Variants in AGBL4 observed in about 807,000 individuals in gnomAD.
AGBL4 encodes the protein cytosolic carboxypeptidase 6.
In AGBL4, 58 loss-of-function variants were observed where a neutral mutation model predicts 66.4. The ratio of observed to expected loss-of-function variants is 0.87; its 90% confidence interval spans 0.71 to 1.09. AGBL4 has a LOEUF of 1.09. AGBL4 is among the 50% of genes least tolerant of loss of function. AGBL4 has a pLI of 0.00. For missense variants in AGBL4, 579 were observed against 631.0 expected, an observed-to-expected ratio of 0.92 and a Z score of 0.88; for synonymous variants, 234 against 222.9, an observed-to-expected ratio of 1.05 and a Z score of -0.44.
intron 3 of AGBL4, among the ~76,000 whole-genome samples, chr1:49,479,829 G>C (rs1188785219): frequency 6.6e-6 from 1 of 151,140 alleles, no homozygotes. Context: ...AGCCTCCCAA[G>C]TGGGAGTGGC....
intron 2 of AGBL4, chr1:49,845,675 A>G: frequency 6.2e-7 from 1 of 1,604,774 alleles, no homozygotes. Flanking sequence ...GAGTGCAGTG[A>G]GTCTGGGAAA....
chr1:48,542,934 C>T (rs1401664808), intron 11 of AGBL4, among the ~76,000 whole-genome samples: 1 of 152,102 alleles, frequency 6.6e-6, no homozygotes, highest in Non-Finnish European at 1.5e-5. Context: ...TTCTAAGTGC[C>T]TTTTGTATAC....
chr1:49,286,930 G>A (rs1399087073), intron 3 of AGBL4, among the ~76,000 whole-genome samples: 3 of 152,074 alleles, frequency 2.0e-5, no homozygotes, highest in Non-Finnish European at 2.9e-5. Flanking sequence ...AAAGAACAAA[G>A]CTGGAGGCAT....
intron 5 of AGBL4, among the ~76,000 whole-genome samples, chr1:48,987,863 T>C (rs1660298202): frequency 6.6e-6 from 1 of 152,116 alleles, no homozygotes; most frequent in Non-Finnish European, 1.5e-5. Context: ...TAAAACTCTA[T>C]CCATCCTCAG....
At chr1:49,367,244 G>T (rs1256053180) in intron 3 of AGBL4, among the ~76,000 whole-genome samples, 1 of 152,150 alleles carries the variant, frequency 6.6e-6, no homozygotes, top group East Asian at 1.9e-4. Context: ...GGAGGTATTT[G>T]GGTCATGGGG....
intron 3 of AGBL4, among the ~76,000 whole-genome samples, chr1:49,665,643 A>C (rs1646350000): frequency 6.6e-6 from 1 of 152,120 alleles, no homozygotes; most frequent in South Asian, 2.1e-4. Flanking sequence ...TCTCCATGCA[A>C]AAAAAGTTCT....
intron 4 of AGBL4, among the ~76,000 whole-genome samples, chr1:49,161,987 C>T (rs514453): frequency 0.59 from 89,083 of 151,938 alleles, 27,062 homozygotes; most frequent in Middle Eastern, 0.68. Flanking sequence ...CTTAGCTACC[C>T]AACAAGTGCA....
intron 3 of AGBL4, among the ~76,000 whole-genome samples, chr1:49,260,523 C>A (rs1032372914): frequency 3.9e-4 from 59 of 152,110 alleles, no homozygotes; most frequent in Non-Finnish European, 4.7e-4. Context: ...GAGAATACTA[C>A]AAACACCTCT....
chr1:49,310,191 C>T (rs759803571), intron 3 of AGBL4, among the ~76,000 whole-genome samples: 55 of 152,034 alleles, frequency 3.6e-4, no homozygotes, highest in Non-Finnish European at 6.8e-4. Context: ...AGAGAGGATA[C>T]AATGTGCCAG....
At chr1:50,018,699 C>T (rs1662177058) in intron 1 of AGBL4, among the ~76,000 whole-genome samples, 1 of 152,010 alleles carries the variant, frequency 6.6e-6, no homozygotes, top group African/African-American at 2.4e-5. Context: ...GAAACTGAAG[C>T]AAATTACAAC....
intron 2 of AGBL4, among the ~76,000 whole-genome samples, chr1:49,794,865 T>A (rs561670647): frequency 6.6e-6 from 1 of 152,124 alleles, no homozygotes; most frequent in African/African-American, 2.4e-5. Context: ...CTCATGGCTA[T>A]TTCGTTTTGA....
At chr1:48,696,361 G>A (rs1646714132) in intron 6 of AGBL4, among the ~76,000 whole-genome samples, 1 of 152,156 alleles carries the variant, frequency 6.6e-6, no homozygotes, top group Non-Finnish European at 1.5e-5. Flanking sequence ...ACCTTCCCAA[G>A]GTCACTCAGC....
intron 2 of AGBL4, among the ~76,000 whole-genome samples, chr1:49,847,718 T>C (rs1166932310): frequency 1.3e-5 from 2 of 152,000 alleles, no homozygotes; most frequent in Admixed American, 6.5e-5. Flanking sequence ...TTTTTTTTTT[T>C]TGAGATGGAG....
intron 6 of AGBL4, among the ~76,000 whole-genome samples, chr1:48,716,259 G>A (rs1230882619): frequency 2.0e-5 from 3 of 152,142 alleles, no homozygotes; most frequent in Admixed American, 6.5e-5. Flanking sequence ...GGTTTCTTGC[G>A]GTTGAGGAGG....
chr1:49,396,045 A>G (rs12082789), intron 3 of AGBL4, among the ~76,000 whole-genome samples: 2,908 of 151,378 alleles, frequency 0.019, 107 homozygotes, highest in African/African-American at 0.067. Flanking sequence ...TCCAGTAACC[A>G]GAAAGTTATA....
At chr1:49,432,916 C>T (rs1340151439) in intron 3 of AGBL4, among the ~76,000 whole-genome samples, 1 of 152,116 alleles carries the variant, frequency 6.6e-6, no homozygotes, top group Admixed American at 6.6e-5. Context: ...TTGCAGTCCC[C>T]AACCTTCAGG....
At chr1:49,006,222 A>G (rs1661792699) in intron 5 of AGBL4, among the ~76,000 whole-genome samples, 2 of 152,298 alleles carry the variant, frequency 1.3e-5, no homozygotes, top group African/African-American at 4.8e-5. Flanking sequence ...GGGAAGCGCA[A>G]GGGGTCAGGG....
intron 3 of AGBL4, among the ~76,000 whole-genome samples, chr1:49,652,937 T>G (rs936603606): frequency 2.6e-5 from 4 of 152,232 alleles, no homozygotes; most frequent in African/African-American, 9.6e-5. Context: ...TCTGCCCAAC[T>G]GCAGCACACC....
the AGBL4 span, among the ~76,000 whole-genome samples, chr1:48,523,249 T>C: frequency 6.6e-6 from 1 of 152,220 alleles, no homozygotes; most frequent in East Asian, 1.9e-4. Flanking sequence ...GGATCATTTC[T>C]AGGCCTTTGT....
Sources: gnomAD v4.1 joint callset for allele counts (sites outside exome capture counted in the v4.1 genomes callset) on GRCh38, gnomAD v4.1.1 for gene constraint, MANE v1.5 for transcripts, NCBI Gene and HGNC (gene_info 2026-07-23, HGNC 2026-07-21) for gene names.